GNAQ: variants seen among roughly 807,000 people sequenced by gnomAD.
GNAQ encodes the protein guanine nucleotide-binding protein G(q) subunit alpha.
A neutral mutation model predicts 43.9 loss-of-function variants in GNAQ; 8 were observed. The observed-to-expected ratio is 0.18, with a 90% CI of 0.11 to 0.33. The LOEUF (loss-of-function observed/expected upper bound fraction) is 0.33, where lower values mean the gene tolerates loss of function less well. Ranked by LOEUF, GNAQ falls within the 10% of genes least tolerant of loss-of-function variation. GNAQ has a pLI of 1.00. For missense variants in GNAQ, 158 were observed against 450.8 expected (o/e 0.35, Z 5.88); for synonymous variants, 155 against 170.7 (o/e 0.91, Z 0.71).
intron 5 of GNAQ, among the ~76,000 whole-genome samples, chr9:77,737,633 A>G (rs1018182439): frequency 1.3e-5 from 2 of 152,226 alleles, no homozygotes; most frequent in Non-Finnish European, 2.9e-5. Flanking sequence ...CCCCATTCAC[A>G]TAAAACAATA....
intron 2 of GNAQ, among the ~76,000 whole-genome samples, chr9:77,866,202 G>T (rs1201397021): frequency 6.6e-6 from 1 of 152,198 alleles, no homozygotes; most frequent in Non-Finnish European, 1.5e-5. Flanking sequence ...TTTAGGCCGG[G>T]TGTGGTGGCT....
At chr9:77,766,276 T>C (rs1427488367) in intron 5 of GNAQ, among the ~76,000 whole-genome samples, 3 of 152,220 alleles carry the variant, frequency 2.0e-5, no homozygotes, top group African/African-American at 7.2e-5. Flanking sequence ...TGAAGTCTGT[T>C]TTTAGAAAAA....
At chr9:77,860,138 A>C (rs1453596490) in intron 2 of GNAQ, among the ~76,000 whole-genome samples, 1 of 152,232 alleles carries the variant, frequency 6.6e-6, no homozygotes, top group Non-Finnish European at 1.5e-5. Context: ...GCCCTAGAAC[A>C]GACTCACTAT....
At chr9:77,758,707 A>C (rs561493597) in intron 5 of GNAQ, among the ~76,000 whole-genome samples, 3 of 152,292 alleles carry the variant, frequency 2.0e-5, no homozygotes, top group African/African-American at 7.2e-5. Flanking sequence ...TGCTTTTTTC[A>C]ATTAACATGC....
rs28674660 is a variant in GNAQ at position 77,875,526 on chromosome 9, A to C, written c.321+46635T>G. On this transcript the variant is annotated intron_variant, in intron 2 of 6. Transcript: ENST00000286548. ...TTTATGGATTTGCTTCACGCAAATAAGATCTCTGCAGAGCTCTCAGGAATG... is the reference window on the plus strand; with the variant it reads ...TTTATGGATTTGCTTCACGCAAATACGATCTCTGCAGAGCTCTCAGGAATG... Among the ~76,000 whole-genome samples, 659 of 152,326 alleles carry C rather than the reference A, an allele frequency of 4.3e-3. 6 individuals carry two copies. The highest frequency in any genetic ancestry group is 0.015 in the African/African-American group (637 of 41,568).
At chr9:77,996,044 G>T (rs1823563453) in intron 1 of GNAQ, among the ~76,000 whole-genome samples, 1 of 152,036 alleles carries the variant, frequency 6.6e-6, no homozygotes, top group Admixed American at 6.6e-5. Context: ...TTCACATCTA[G>T]CAATTCCTCT....
intron 1 of GNAQ, among the ~76,000 whole-genome samples, chr9:77,994,742 C>A (rs943774906): frequency 6.6e-6 from 1 of 152,112 alleles, no homozygotes; most frequent in Non-Finnish European, 1.5e-5. Flanking sequence ...TCATTCGCCC[C>A]GTTAAAAGTA....
chr9:77,900,572 C>T (rs1282504080), intron 2 of GNAQ, among the ~76,000 whole-genome samples: 1 of 152,110 alleles, frequency 6.6e-6, no homozygotes, highest in Non-Finnish European at 1.5e-5. Context: ...ACACTCCATG[C>T]AGTGGAGATG....
chr9:77,773,012 T>G (rs1276725255), intron 5 of GNAQ, among the ~76,000 whole-genome samples: 3 of 152,250 alleles, frequency 2.0e-5, no homozygotes, highest in African/African-American at 4.8e-5. Flanking sequence ...CTGGGCCACG[T>G]GAGGCCCACA....
chr9:77,805,255 C>T (rs1587924354), intron 3 of GNAQ, among the ~76,000 whole-genome samples: 1 of 152,224 alleles, frequency 6.6e-6, no homozygotes, highest in Non-Finnish European at 1.5e-5. Context: ...CACAAGATTG[C>T]TCACTCCACA....
chr9:77,924,101 TA>T (rs1330569046), intron 1 of GNAQ, among the ~76,000 whole-genome samples: 2 of 152,206 alleles, frequency 1.3e-5, no homozygotes, highest in African/African-American at 4.8e-5. Context: ...TTACTTTTAG[TA>T]AAGTGATCTG....
At chr9:78,030,471 A>G in intron 1 of GNAQ, 1 of 470,108 alleles carries the variant, frequency 2.1e-6, no homozygotes, top group South Asian at 1.6e-5. Context: ...CGCCCCCAGT[A>G]CACAGACCCT....
intron 5 of GNAQ, among the ~76,000 whole-genome samples, chr9:77,786,059 A>G (rs1257778898): frequency 6.6e-6 from 1 of 152,190 alleles, no homozygotes; most frequent in Non-Finnish European, 1.5e-5. Context: ...TGTGTCATTA[A>G]TATCAATGGG....
intron 5 of GNAQ, among the ~76,000 whole-genome samples, chr9:77,782,285 A>C (rs1020629744): frequency 1.3e-5 from 2 of 152,214 alleles, no homozygotes; most frequent in Non-Finnish European, 2.9e-5. Flanking sequence ...ACAATTAAAA[A>C]ATGAACAACT....
intron 1 of GNAQ, among the ~76,000 whole-genome samples, chr9:78,001,151 A>T (rs1398238702): frequency 6.6e-6 from 1 of 151,976 alleles, no homozygotes; most frequent in African/African-American, 2.4e-5. Flanking sequence ...AAATCCTAAC[A>T]CTCTGGGAGG....
In GNAQ at chr9:77,777,428, C is replaced by T. The variant is rs191775456; in HGVS notation, c.735+17035G>A. On this transcript the variant is annotated intron_variant, in intron 5 of 6. Coordinates refer to ENST00000286548, the MANE Select transcript of GNAQ (RefSeq NM_002072.5). Reference sequence around the variant, plus strand: ...AACATAGGTGTAAATCTTTGTCACCCTGGATTAGGCAAGTTTCTTAGATAT... The same window carrying T: ...AACATAGGTGTAAATCTTTGTCACCTTGGATTAGGCAAGTTTCTTAGATAT... Among the ~76,000 whole-genome samples, 204 of 152,098 alleles carry T rather than the reference C, an allele frequency of 1.3e-3. 4 individuals carry two copies. The highest frequency in any genetic ancestry group is 0.012 in the Admixed American group (191 of 15,286).
chr9:77,719,826 G>A lies in GNAQ; in HGVS notation c.*1497C>T. On this transcript the variant is annotated 3_prime_UTR_variant, in exon 7 of 7. Transcript: ENST00000286548. ...CAGTTACACAAATACATGTTCTATA[G>A]AACACTGAGAGGTTACTTTTGAGTT... is the stretch of plus-strand genomic sequence containing the variant. 1 of 232,598 alleles carries A rather than the reference G, an allele frequency of 4.3e-6. No individual in the cohort carries two copies. Among genetic ancestry groups the A allele is most frequent in the African/African-American group, 2.2e-5 (1 of 45,418 alleles). 14.4% of individuals were successfully genotyped at this position (232,598 alleles called of 1,614,324 possible).
At chr9:77,829,197 T>G (rs961762854) in intron 2 of GNAQ, among the ~76,000 whole-genome samples, 2 of 152,206 alleles carry the variant, frequency 1.3e-5, no homozygotes, top group African/African-American at 4.8e-5. Flanking sequence ...AAGAAACACC[T>G]TAGAGTCCTA....
intron 1 of GNAQ, among the ~76,000 whole-genome samples, chr9:78,024,913 T>C (rs1370841304): frequency 6.6e-6 from 1 of 152,206 alleles, no homozygotes; most frequent in Non-Finnish European, 1.5e-5. Flanking sequence ...TGAGATATCT[T>C]CATAATTTGA....
Sources: gnomAD v4.1 joint callset for allele counts (sites outside exome capture counted in the v4.1 genomes callset) on GRCh38, gnomAD v4.1.1 for gene constraint, MANE v1.5 for transcripts, NCBI Gene and HGNC (gene_info 2026-07-23, HGNC 2026-07-21) for gene names.